Variants in DIP2C observed in about 807,000 individuals in gnomAD.
DIP2C encodes disco-interacting protein 2 homolog C.
DIP2C carries 33 observed loss-of-function variants against 192.4 expected under a neutral mutation model. The ratio of observed to expected loss-of-function variants is 0.17; its 90% CI spans 0.13 to 0.23. The LOEUF is 0.23. Among genes scored for constraint, DIP2C ranks in the 10% least tolerant of loss-of-function variants. DIP2C has a pLI of 1.00. For missense variants in DIP2C, 1,537 were observed against 2,110.1 expected (o/e 0.73, Z 5.32); for synonymous variants, 979 against 864.1 (o/e 1.13, Z -2.33).
chr10:382,185 A>G (rs940530859), intron 17 of DIP2C, among the ~76,000 whole-genome samples: 1 of 152,240 alleles, frequency 6.6e-6, no homozygotes, highest in Non-Finnish European at 1.5e-5. Flanking sequence ...CTCAAAAAAT[A>G]TGTATTAGGC....
At chr10:293,923 G>C (rs938566202) in intron 32 of DIP2C, among the ~76,000 whole-genome samples, 5 of 152,220 alleles carry the variant, frequency 3.3e-5, no homozygotes, top group African/African-American at 4.8e-5. Context: ...GATCAGGGAA[G>C]TCCAGAAACA....
chr10:500,294 G>A (rs987660482), intron 1 of DIP2C, among the ~76,000 whole-genome samples: 5 of 152,246 alleles, frequency 3.3e-5, no homozygotes, highest in African/African-American at 1.2e-4. Flanking sequence ...CTCTTCCTGA[G>A]ACCTGCAGCC....
chr10:618,579 G>A (rs1316753723), intron 1 of DIP2C, among the ~76,000 whole-genome samples: 1 of 89,298 alleles, frequency 1.1e-5, no homozygotes, highest in Admixed American at 1.3e-4. Flanking sequence ...AAAGCTCCAT[G>A]TATGAATTTA....
intron 4 of DIP2C, among the ~76,000 whole-genome samples, chr10:428,552 T>C (rs1966743285): frequency 6.6e-6 from 1 of 152,186 alleles, no homozygotes; most frequent in Non-Finnish European, 1.5e-5. Context: ...ACGTGTCTTT[T>C]TCTTCGGAGT....
rs376663409 is a variant in DIP2C at position 366,256 on chromosome 10, A to G, written c.2268+19T>C. The stretch of plus-strand genomic sequence containing the variant: ...CGGAGCCACAGATGGTGCCCATGGT[A>G]AGACTCTCCTCCACCTACCTCAAAG... On this transcript the variant is annotated intron_variant, in intron 19 of 36. Transcript: ENST00000280886. 41 of 1,611,006 alleles carry G rather than the reference A, an allele frequency of 2.5e-5. No individual in the cohort carries two copies. Among genetic ancestry groups the G allele is most frequent in the Non-Finnish European group, 3.5e-5 (41 of 1,178,592 alleles).
chr10:433,506 A>T (rs1310558518), intron 4 of DIP2C, among the ~76,000 whole-genome samples: 1 of 151,982 alleles, frequency 6.6e-6, no homozygotes, highest in East Asian at 1.9e-4. Flanking sequence ...GTGAAACCCC[A>T]TCTCTACAAA....
intron 2 of DIP2C, among the ~76,000 whole-genome samples, chr10:476,133 G>A (rs1026133689): frequency 6.6e-6 from 1 of 152,184 alleles, no homozygotes; most frequent in Non-Finnish European, 1.5e-5. Context: ...CCCTGGGAAG[G>A]AGGTATCCCC....
In DIP2C at chr10:651,595, G is replaced by T; in HGVS notation, c.85+37899C>A. 1 of 371,988 alleles carries T rather than the reference G, an allele frequency of 2.7e-6. No homozygotes were observed. Among genetic ancestry groups the T allele is most frequent in the Non-Finnish European group, 5.2e-6 (1 of 192,178 alleles). 23.0% of individuals were successfully genotyped at this position (371,988 alleles called of 1,614,324 possible). ...TTAAGCAGTATTTCCCCCAAAAGGT[G>T]CATCTTTTATAAAACAAGAACGCAA... On this transcript the variant is annotated intron_variant, in intron 1 of 36. Transcript: ENST00000280886. The surrounding 1 kb of genome is among the most constrained non-coding windows in gnomAD (Gnocchi z 4.1).
chr10:563,324 C>T (rs1204165384), intron 1 of DIP2C, among the ~76,000 whole-genome samples: 1 of 152,096 alleles, frequency 6.6e-6, no homozygotes, highest in Non-Finnish European at 1.5e-5. Context: ...ATGTTCCTTC[C>T]GTAATGGTGG....
At chr10:551,158 C>T (rs1300496405) in intron 1 of DIP2C, among the ~76,000 whole-genome samples, 2 of 152,244 alleles carry the variant, frequency 1.3e-5, no homozygotes, top group African/African-American at 4.8e-5. Context: ...TGAGCTCCAA[C>T]ACCCACAGCC....
intron 1 of DIP2C, among the ~76,000 whole-genome samples, chr10:559,803 A>AG (rs1367673235): frequency 2.0e-5 from 3 of 152,224 alleles, no homozygotes. Flanking sequence ...GCCTGGCAGG[A>AG]GGCCACTGCT....
chr10:447,748 G>A lies in DIP2C; in HGVS notation c.269-6752C>T, dbSNP rs563083746. Among the ~76,000 whole-genome samples the A allele has an allele frequency of 6.9e-5, 8 of 116,018 alleles. 1 individual carries two copies. In the South Asian group the frequency reaches 1.1e-3, roughly 16 times the overall value. 76.1% of individuals were successfully genotyped at this position (116,018 alleles called of 152,430 possible). A position where few individuals can be genotyped will look rare whatever the true frequency, so the allele number is the denominator to read the frequency against. On this transcript the variant is annotated intron_variant, in intron 3 of 36. Coordinates refer to ENST00000280886, the MANE Select transcript of DIP2C (RefSeq NM_014974.3). ...TGATGCTCAGGATCACACACAGTAG[G>A]GCAGCAGGACCCACTCATCCCCGTC... is the stretch of plus-strand genomic sequence containing the variant.
intron 1 of DIP2C, among the ~76,000 whole-genome samples, chr10:612,555 G>A (rs981070522): frequency 2.0e-5 from 3 of 152,158 alleles, no homozygotes; most frequent in Non-Finnish European, 2.9e-5. Context: ...GATTTCAAAA[G>A]AACAGAGATG....
intron 10 of DIP2C, among the ~76,000 whole-genome samples, chr10:397,475 A>T (rs1246564229): frequency 6.6e-6 from 1 of 150,612 alleles, no homozygotes; most frequent in African/African-American, 2.4e-5. Flanking sequence ...GGTTGCAGTG[A>T]GCTGAAATCG....
intron 2 of DIP2C, chr10:485,032 C>G: frequency 6.9e-7 from 1 of 1,458,748 alleles, no homozygotes; most frequent in Non-Finnish European, 9.1e-7. Context: ...GCTGCCGACC[C>G]CATGCAGGAC....
At chr10:463,299 A>G (rs1181775285) in intron 3 of DIP2C, among the ~76,000 whole-genome samples, 1 of 152,216 alleles carries the variant, frequency 6.6e-6, no homozygotes, top group Non-Finnish European at 1.5e-5. Context: ...ACTTCAGCAA[A>G]GTCTCAGGAT....
chr10:598,967 G>C (rs1237481355), intron 1 of DIP2C, among the ~76,000 whole-genome samples: 1 of 152,142 alleles, frequency 6.6e-6, no homozygotes, highest in African/African-American at 2.4e-5. Flanking sequence ...TTTCTGCATC[G>C]AGCCTTTGAG....
rs114838462 is a variant in DIP2C, at chr10:378,906, C to T, written c.1991+3741G>A. Among the ~76,000 whole-genome samples, 553 of 152,352 alleles carry T rather than the reference C, an allele frequency of 3.6e-3. 6 individuals carry two copies. The highest frequency in any genetic ancestry group is 0.012 in the African/African-American group (484 of 41,580). On this transcript the variant is annotated intron_variant, in intron 17 of 36. Transcript: ENST00000280886. ...GTGAACACAGACATGCATAAAGACA[C>T]GGACACAGACATGCGTGAGGACAGG...
At chr10:587,198 C>G (rs1157272036) in intron 1 of DIP2C, among the ~76,000 whole-genome samples, 3 of 151,806 alleles carry the variant, frequency 2.0e-5, no homozygotes, top group East Asian at 3.9e-4. Flanking sequence ...AGTGCAGGGT[C>G]TAAGGCCAGA....
Sources: allele counts gnomAD v4.1 joint callset (sites outside exome capture counted in the v4.1 genomes callset), GRCh38; gene constraint gnomAD v4.1.1; non-coding constraint Gnocchi (gnomAD v3.1); transcripts MANE v1.5; gene names NCBI Gene and HGNC (gene_info 2026-07-23, HGNC 2026-07-21).